ZNF676: variants seen among roughly 807,000 people sequenced by gnomAD.
The protein encoded by ZNF676 is zinc finger protein 676.
ZNF676 carries 4 observed loss-of-function variants against 6.0 expected under a neutral mutation model. That is an observed-to-expected ratio of 0.67 (90% confidence interval 0.33 to 1.53). The LOEUF (loss-of-function observed/expected upper bound fraction) is 1.53, where lower values mean the gene tolerates loss of function less well. Ranked by LOEUF, ZNF676 falls within the 40% of genes most tolerant of loss-of-function variation. The pLI is 0.06. For synonymous variants in ZNF676, 198 were observed against 223.1 expected, an observed-to-expected ratio of 0.89 and a Z score of 1.00; for missense variants, 644 against 679.7, an observed-to-expected ratio of 0.95 and a Z score of 0.58.
chr19:22,183,297 G>A (rs918391900), intron 2 of ZNF676, among the ~76,000 whole-genome samples: 18 of 151,970 alleles, frequency 1.2e-4, no homozygotes, highest in African/African-American at 1.2e-4. Flanking sequence ...TTAAATATAC[G>A]GAAAATTAAC....
At chr19:22,195,065 A>T (rs1412932022) in intron 1 of ZNF676, among the ~76,000 whole-genome samples, 1 of 152,182 alleles carries the variant, frequency 6.6e-6, no homozygotes, top group Non-Finnish European at 1.5e-5. Flanking sequence ...AGTAGTTTTA[A>T]TGTCACAAGA....
chr19:22,186,684 G>A (rs1056726646), intron 2 of ZNF676, among the ~76,000 whole-genome samples: 4 of 152,230 alleles, frequency 2.6e-5, no homozygotes, highest in Middle Eastern at 3.4e-3. Context: ...ATTGATGGAG[G>A]AATATTTACC....
chr19:22,191,535 C>T (rs192936151), intron 2 of ZNF676, among the ~76,000 whole-genome samples: 109 of 152,244 alleles, frequency 7.2e-4, no homozygotes, highest in Admixed American at 1.7e-3. Flanking sequence ...CCAGTTCTGC[C>T]TACATAGAAT....
At chr19:22,206,103 CTAAA>C in intron 1 of ZNF676, among the ~76,000 whole-genome samples, 1 of 148,346 alleles carries the variant, frequency 6.7e-6, no homozygotes, top group East Asian at 2.0e-4. Flanking sequence ...AATCAAAGCC[CTAAA>C]TAGATAGATA....
the ZNF676 span, among the ~76,000 whole-genome samples, chr19:22,239,504 TGA>T: frequency 1.3e-5 from 2 of 152,226 alleles, no homozygotes; most frequent in South Asian, 4.2e-4. Flanking sequence ...TTTTGGTGTG[TGA>T]GATTTAGAAC....
intron 1 of ZNF676, among the ~76,000 whole-genome samples, chr19:22,208,162 C>A (rs1338285137): frequency 4.6e-5 from 7 of 150,816 alleles, no homozygotes; most frequent in African/African-American, 7.3e-5. Context: ...AAAGAGACAC[C>A]CTACAAAATA....
the ZNF676 span, among the ~76,000 whole-genome samples, chr19:22,226,243 GCTCT>G: frequency 2.0e-5 from 3 of 151,946 alleles, no homozygotes; most frequent in Non-Finnish European, 4.4e-5. Context: ...TCATTTCTGG[GCTCT>G]CTATTCTGAT....
In ZNF676 at chr19:22,207,080, G is replaced by A. The variant is rs191331309; in HGVS notation, c.3+8552C>T. Among the ~76,000 whole-genome samples the A allele has an allele frequency of 3.9e-3, 594 of 152,178 alleles. 2 individuals carry two copies. Among genetic ancestry groups the A allele is most frequent in the Non-Finnish European group, 6.9e-3 (466 of 68,026 alleles). On this transcript the variant is annotated intron_variant, in intron 1 of 3. Coordinates refer to the ZNF676 transcript ENST00000650058. Reference sequence around the variant, plus strand: ...CACTCCTATATTCAACATAAAATTGGCAGTCTTAGCCAGAGCAATCAGGCA... The same window carrying A: ...CACTCCTATATTCAACATAAAATTGACAGTCTTAGCCAGAGCAATCAGGCA...
At chr19:22,183,086 G>A (rs2023783681) in intron 2 of ZNF676, among the ~76,000 whole-genome samples, 1 of 151,900 alleles carries the variant, frequency 6.6e-6, no homozygotes, top group South Asian at 2.1e-4. Context: ...TTTATTTTTA[G>A]AGGTTTTATG....
the ZNF676 span, among the ~76,000 whole-genome samples, chr19:22,239,336 C>T: frequency 5.3e-5 from 8 of 151,776 alleles, no homozygotes; most frequent in Admixed American, 1.3e-4. Context: ...CCACCATGCC[C>T]GGCTAATTTT....
At chr19:22,235,067 AGG>A in the ZNF676 span, among the ~76,000 whole-genome samples, 197 of 146,682 alleles carry the variant, frequency 1.3e-3, no homozygotes, top group African/African-American at 4.1e-3. Flanking sequence ...GGCAGGAAGA[AGG>A]AAGTCAGGAA....
the ZNF676 span, among the ~76,000 whole-genome samples, chr19:22,247,234 G>A: frequency 6.6e-6 from 1 of 152,058 alleles, no homozygotes; most frequent in African/African-American, 2.4e-5. Context: ...TAAAAAGCTT[G>A]AGGACCCAGT....
At chr19:22,189,844 A>G (rs2023880924) in intron 2 of ZNF676, among the ~76,000 whole-genome samples, 2 of 152,182 alleles carry the variant, frequency 1.3e-5, no homozygotes, top group African/African-American at 2.4e-5. Context: ...ACCAGTTAGA[A>G]TGGAGATCAT....
upstream of ZNF676, among the ~76,000 whole-genome samples, chr19:22,200,106 G>C (rs2024008990): frequency 6.6e-6 from 1 of 152,016 alleles, no homozygotes; most frequent in Admixed American, 6.6e-5. Flanking sequence ...TATGGCACTG[G>C]GGGGTATTGT....
At chr19:22,247,868 G>C in the ZNF676 span, among the ~76,000 whole-genome samples, 2 of 152,142 alleles carry the variant, frequency 1.3e-5, no homozygotes, top group East Asian at 1.9e-4. Flanking sequence ...GAAACTTTAG[G>C]TATATCTCCT....
rs546907484 is a variant in ZNF676, at chr19:22,184,686, G to C, written c.131-3100C>G. On this transcript the variant is annotated intron_variant, in intron 2 of 2. Transcript: ENST00000397121. Reference sequence around the variant, plus strand: ...GGGAAGCTCGAGCTTGGTGGGGGAAGGGCGTCTGCCATTGCTGAGGCTTGA... The same window carrying C: ...GGGAAGCTCGAGCTTGGTGGGGGAACGGCGTCTGCCATTGCTGAGGCTTGA... 2.6e-5 allele frequency among the ~76,000 whole-genome samples: 4 copies of C among 152,098 alleles called. No homozygotes were observed. The East Asian group carries it at 7.8e-4, about 30-fold the overall frequency.
At chr19:22,239,883 CTAGCAA>C in the ZNF676 span, among the ~76,000 whole-genome samples, 1 of 152,158 alleles carries the variant, frequency 6.6e-6, no homozygotes, top group Non-Finnish European at 1.5e-5. Flanking sequence ...GATAATGGAA[CTAGCAA>C]TATATCACAA....
chr19:22,258,932 C>A, the ZNF676 span, among the ~76,000 whole-genome samples: 1 of 152,156 alleles, frequency 6.6e-6, no homozygotes, highest in African/African-American at 2.4e-5. Flanking sequence ...TCAGGAGTTA[C>A]AATCTCAACT....
At chr19:22,201,731 C>CA (rs35526921), upstream of ZNF676, among the ~76,000 whole-genome samples, 411 of 76,242 alleles carry the variant, frequency 5.4e-3, 29 homozygotes, top group African/African-American at 8.6e-3. Flanking sequence ...TTTGTAAAGG[C>CA]AAAAAAAAAA....
Sources: allele counts gnomAD v4.1 joint callset (sites outside exome capture counted in the v4.1 genomes callset), GRCh38; gene constraint gnomAD v4.1.1; transcripts MANE v1.5; gene names NCBI Gene and HGNC (gene_info 2026-07-23, HGNC 2026-07-21).